STAG1: variants seen among roughly 807,000 people sequenced by gnomAD.
STAG1 encodes the protein cohesin subunit SA-1.
STAG1 carries 26 observed loss-of-function variants against 170.9 expected under a neutral mutation model. The ratio of observed to expected loss-of-function variants is 0.15; its 90% CI spans 0.11 to 0.21. STAG1 has a LOEUF of 0.21. STAG1 is among the 10% of genes least tolerant of loss of function. STAG1 has a pLI of 1.00. For missense variants in STAG1, 964 were observed against 1,509.5 expected, an observed-to-expected ratio of 0.64 and a Z score of 5.99; for synonymous variants, 514 against 497.7, an observed-to-expected ratio of 1.03 and a Z score of -0.44.
chr3:136,716,077 G>A (rs1465287236), intron 1 of STAG1, among the ~76,000 whole-genome samples: 8 of 151,954 alleles, frequency 5.3e-5, no homozygotes, highest in African/African-American at 1.7e-4. Flanking sequence ...CAGTGTGGGC[G>A]ACACAGAGAG....
At chr3:136,596,260 T>C (rs183307451) in intron 4 of STAG1, among the ~76,000 whole-genome samples, 2 of 152,238 alleles carry the variant, frequency 1.3e-5, no homozygotes, top group East Asian at 3.8e-4. Context: ...ACTTCATTGT[T>C]GTCTTGTTTT....
intron 21 of STAG1, among the ~76,000 whole-genome samples, chr3:136,400,605 G>A (rs955270021): frequency 4.6e-5 from 7 of 151,244 alleles, no homozygotes; most frequent in African/African-American, 9.7e-5. Flanking sequence ...GCACTGTCTC[G>A]GCTCACTGCA....
intron 4 of STAG1, among the ~76,000 whole-genome samples, chr3:136,579,488 A>G (rs1576628472): frequency 6.6e-6 from 1 of 152,208 alleles, no homozygotes; most frequent in Non-Finnish European, 1.5e-5. Flanking sequence ...GCGATTTCTA[A>G]GCTCACTTAG....
rs79616026 is a variant in STAG1, at chr3:136,539,133, C to CA, written c.471+2985dup. Among the ~76,000 whole-genome samples, 747 of 102,666 alleles carry CA rather than the reference C, an allele frequency of 7.3e-3. 2 individuals are homozygous for CA. Among genetic ancestry groups the CA allele is most frequent in the Middle Eastern group, 0.017 (3 of 174 alleles). 67.4% of individuals were successfully genotyped at this position (102,666 alleles called of 152,430 possible). On this transcript the variant is annotated intron_variant, in intron 6 of 33. Coordinates refer to ENST00000383202, the MANE Select transcript of STAG1 (RefSeq NM_005862.3). ...TGGGCGACAGAGCCAGACTCCGTCTCAAAAAAAAAAAAAAATGTTTTAGTG... is the reference window on the plus strand; with the variant it reads ...TGGGCGACAGAGCCAGACTCCGTCTCAAAAAAAAAAAAAAAATGTTTTAGTG...
intron 1 of STAG1, among the ~76,000 whole-genome samples, chr3:136,644,282 A>T (rs1940913526): frequency 6.6e-6 from 1 of 152,262 alleles, no homozygotes; most frequent in Admixed American, 6.5e-5. Flanking sequence ...GTTTTTCAGA[A>T]TCCCACAGAC....
At chr3:136,584,163 A>G (rs1361091879) in intron 4 of STAG1, among the ~76,000 whole-genome samples, 2 of 152,194 alleles carry the variant, frequency 1.3e-5, no homozygotes, top group Admixed American at 1.3e-4. Context: ...CTAAAATACC[A>G]TACTGGTCTT....
intron 20 of STAG1, among the ~76,000 whole-genome samples, chr3:136,420,671 T>C (rs1032096786): frequency 1.3e-5 from 2 of 152,214 alleles, no homozygotes; most frequent in African/African-American, 4.8e-5. Context: ...TGGGCCAGTG[T>C]CATGATCAAG....
intron 13 of STAG1, among the ~76,000 whole-genome samples, chr3:136,459,560 G>A (rs2089217899): frequency 6.6e-6 from 1 of 152,126 alleles, no homozygotes; most frequent in Admixed American, 6.5e-5. Context: ...TCTAACAGTT[G>A]CAGAATACTC....
intron 4 of STAG1, among the ~76,000 whole-genome samples, chr3:136,580,595 G>A (rs1212332397): frequency 4.8e-5 from 7 of 144,882 alleles, no homozygotes; most frequent in Non-Finnish European, 9.0e-5. Context: ...CTGCAGTGGC[G>A]CAATCTCGGC....
rs1576607400 is a variant in STAG1, at chr3:136,560,308, A to G, written c.394+8457T>C. On this transcript the variant is annotated intron_variant, in intron 5 of 33. Transcript: ENST00000383202. The stretch of plus-strand genomic sequence containing the variant: ...TAAAAATAGGCACATCTGTCAATGA[A>G]AACTACTTATCAAAAACCATATATT... 2.0e-5 allele frequency among the ~76,000 whole-genome samples: 3 copies of G among 152,334 alleles called. No homozygotes were observed. In the East Asian group the frequency reaches 5.8e-4, roughly 29 times the overall value.
Position 136,731,839 on chromosome 3 carries a change from A to T in STAG1, c.-84+20356T>A, listed in dbSNP as rs1934060972. 2.6e-5 allele frequency among the ~76,000 whole-genome samples: 4 copies of T among 152,316 alleles called. No individual in the cohort carries two copies. In the East Asian group the frequency reaches 7.7e-4, roughly 29 times the overall value. The stretch of plus-strand genomic sequence containing the variant: ...GCACCAGAAACTATAAGTGCTATCT[A>T]AATATCAACATTTTATTTGGCCTGT... On this transcript the variant is annotated intron_variant, in intron 1 of 33. Coordinates refer to ENST00000383202, the MANE Select transcript of STAG1 (RefSeq NM_005862.3).
At chr3:136,536,604 G>A (rs551337401) in intron 6 of STAG1, among the ~76,000 whole-genome samples, 2 of 150,962 alleles carry the variant, frequency 1.3e-5, no homozygotes, top group Non-Finnish European at 2.9e-5. Flanking sequence ...AGGAGGCTAA[G>A]GCACGAGAAT....
At chr3:136,529,560 A>C (rs1935261386) in intron 6 of STAG1, among the ~76,000 whole-genome samples, 1 of 152,202 alleles carries the variant, frequency 6.6e-6, no homozygotes, top group African/African-American at 2.4e-5. Flanking sequence ...AACTATCTTT[A>C]ATAAATGGAG....
chr3:136,453,925 TG>T (rs573232136), intron 13 of STAG1, among the ~76,000 whole-genome samples: 5 of 151,392 alleles, frequency 3.3e-5, no homozygotes, highest in African/African-American at 7.3e-5. Context: ...TGAGGTTTTC[TG>T]GGGGGGCAGG....
At chr3:136,387,631 T>C (rs2086906576) in intron 22 of STAG1, among the ~76,000 whole-genome samples, 1 of 152,174 alleles carries the variant, frequency 6.6e-6, no homozygotes, top group African/African-American at 2.4e-5. Flanking sequence ...TTCAGAGGGA[T>C]AGGGGGAGAG....
intron 16 of STAG1, among the ~76,000 whole-genome samples, chr3:136,424,811 C>G (rs1048535892): frequency 5.3e-5 from 8 of 152,086 alleles, no homozygotes; most frequent in African/African-American, 1.7e-4. Flanking sequence ...CACCAACACA[C>G]CTGGTACAAG....
chr3:136,657,356 G>A (rs1283228106), intron 1 of STAG1, among the ~76,000 whole-genome samples: 2 of 151,718 alleles, frequency 1.3e-5, no homozygotes, highest in East Asian at 1.9e-4. Flanking sequence ...ATCCCACCAC[G>A]CCTAGCTAAT....
chr3:136,589,199 C>A (rs915032145), intron 4 of STAG1, among the ~76,000 whole-genome samples: 25 of 152,194 alleles, frequency 1.6e-4, no homozygotes, highest in African/African-American at 6.0e-4. Flanking sequence ...CCTATTTTAT[C>A]TTTAAAAAGC....
chr3:136,521,775 T>C (rs1207589768), intron 6 of STAG1, among the ~76,000 whole-genome samples: 2 of 152,200 alleles, frequency 1.3e-5, no homozygotes, highest in Non-Finnish European at 2.9e-5. Context: ...GCCAGTTGAA[T>C]TTTGATGAAA....
Sources: allele counts gnomAD v4.1 joint callset (sites outside exome capture counted in the v4.1 genomes callset), GRCh38; gene constraint gnomAD v4.1.1; transcripts MANE v1.5; gene names NCBI Gene and HGNC (gene_info 2026-07-23, HGNC 2026-07-21).